Variants in STK31 observed in about 807,000 individuals in gnomAD.
STK31 encodes the protein serine/threonine kinase 31.
STK31 carries 89 observed loss-of-function variants against 129.7 expected under a neutral mutation model. The observed-to-expected ratio is 0.69, with a 90% confidence interval of 0.58 to 0.82. STK31 has a LOEUF of 0.82. Among genes scored for constraint, STK31 ranks in the 40% least tolerant of loss-of-function variants. The probability of loss-of-function intolerance (pLI) is 0.00; values close to 1 mark genes in which losing one functional copy is unlikely to be tolerated. For missense variants in STK31, 1,187 were observed against 1,176.4 expected, an observed-to-expected ratio of 1.01 and a Z score of -0.13; for synonymous variants, 448 against 395.3, an observed-to-expected ratio of 1.13 and a Z score of -1.58.
At chr7:23,809,827 C>T (rs1241938054) in intron 22 of STK31, among the ~76,000 whole-genome samples, 6 of 61,140 alleles carry the variant, frequency 9.8e-5, no homozygotes, top group African/African-American at 2.4e-4. Flanking sequence ...AACCTTGGAG[C>T]GGTAGGCTAC....
chr7:23,785,407 T>G, intron 17 of STK31, 71 bp from the exon 18 acceptor site: 1 of 1,574,072 alleles, frequency 6.4e-7, no homozygotes, highest in South Asian at 1.1e-5. Flanking sequence ...ATCGTGTAAC[T>G]AATTATTTTG....
chr7:23,792,313 T>C (rs1791668054), intron 22 of STK31, among the ~76,000 whole-genome samples: 1 of 152,148 alleles, frequency 6.6e-6, no homozygotes, highest in African/African-American at 2.4e-5. Context: ...TATAATTGTG[T>C]TTTTATATAA....
chr7:23,818,310 C>G (rs1453575340), intron 23 of STK31, among the ~76,000 whole-genome samples: 1 of 152,048 alleles, frequency 6.6e-6, no homozygotes, highest in Non-Finnish European at 1.5e-5. Flanking sequence ...TCATAGTTCT[C>G]TTTTCCCCAG....
At chr7:23,792,216 A>T (rs568614976) in intron 22 of STK31, among the ~76,000 whole-genome samples, 1 of 152,354 alleles carries the variant, frequency 6.6e-6, no homozygotes, top group South Asian at 2.1e-4. Context: ...TGCAGATGAC[A>T]TGCTTAATTA....
chr7:23,711,442 A>C (rs1185982637), intron 1 of STK31, among the ~76,000 whole-genome samples: 2 of 149,024 alleles, frequency 1.3e-5, no homozygotes, highest in East Asian at 1.9e-4. Context: ...AAAAAAAAAA[A>C]CCCATAAAAA....
intron 22 of STK31, among the ~76,000 whole-genome samples, chr7:23,813,319 T>C (rs6970042): frequency 0.099 from 15,105 of 152,186 alleles, 1,075 homozygotes; most frequent in African/African-American, 0.2. Flanking sequence ...TATAATTGTT[T>C]GTTGAAGCAT....
At chr7:23,798,902 A>C (rs1021947527) in intron 22 of STK31, among the ~76,000 whole-genome samples, 1 of 152,218 alleles carries the variant, frequency 6.6e-6, no homozygotes, top group African/African-American at 2.4e-5. Context: ...GCAAAGTCTC[A>C]GGATACAAAA....
At chr7:23,719,069 T>C (rs1048599311) in intron 4 of STK31, among the ~76,000 whole-genome samples, 3 of 152,118 alleles carry the variant, frequency 2.0e-5, no homozygotes, top group Non-Finnish European at 4.4e-5. Context: ...AGGGGTCTTG[T>C]GAAGTACCTA....
At chr7:23,776,862 A>G (rs769863845) in intron 15 of STK31, among the ~76,000 whole-genome samples, 1 of 151,934 alleles carries the variant, frequency 6.6e-6, no homozygotes, top group Admixed American at 6.6e-5. Context: ...GTCTTCTACT[A>G]GCTTTTGAAT....
chr7:23,797,887 A>G (rs879450945), intron 22 of STK31, among the ~76,000 whole-genome samples: 8 of 152,318 alleles, frequency 5.3e-5, no homozygotes, highest in African/African-American at 9.6e-5. Flanking sequence ...AGAAGAATCA[A>G]ATAGACACAA....
intron 15 of STK31, among the ~76,000 whole-genome samples, chr7:23,779,090 A>G (rs771819175): frequency 6.6e-6 from 1 of 152,134 alleles, no homozygotes; most frequent in African/African-American, 2.4e-5. Context: ...TCTAACAGTC[A>G]GTCCCCTCTG....
chr7:23,810,126 A>T (rs1792994624), intron 22 of STK31, among the ~76,000 whole-genome samples: 1 of 152,062 alleles, frequency 6.6e-6, no homozygotes, highest in South Asian at 2.1e-4. Flanking sequence ...CTCTTAGTAG[A>T]TTGATACTTT....
intron 23 of STK31, among the ~76,000 whole-genome samples, chr7:23,819,575 C>T (rs561441314): frequency 3.0e-4 from 45 of 152,238 alleles, no homozygotes; most frequent in Non-Finnish European, 5.9e-4. Context: ...CCACCATGCC[C>T]AGCTAATTTT....
At chr7:23,765,458 G>A (rs190190852) in intron 11 of STK31, among the ~76,000 whole-genome samples, 1 of 151,300 alleles carries the variant, frequency 6.6e-6, no homozygotes, top group Admixed American at 6.6e-5. Context: ...CTTTTTTGTT[G>A]GTAACTTAAT....
At chr7:23,818,658 C>G (rs1793605687) in intron 23 of STK31, among the ~76,000 whole-genome samples, 1 of 148,856 alleles carries the variant, frequency 6.7e-6, no homozygotes, top group South Asian at 2.1e-4. Context: ...AAAATAAAGT[C>G]CGAAGTCCCA....
chr7:23,749,799 A>G (rs879525284), intron 8 of STK31, among the ~76,000 whole-genome samples: 13 of 152,020 alleles, frequency 8.6e-5, no homozygotes, highest in African/African-American at 1.9e-4. Context: ...TTGTGAGTCT[A>G]TGTCTCTGGC....
intron 22 of STK31, among the ~76,000 whole-genome samples, chr7:23,810,028 T>C (rs1191908914): frequency 6.6e-6 from 1 of 152,210 alleles, no homozygotes; most frequent in Non-Finnish European, 1.5e-5. Flanking sequence ...CTGGCTATAA[T>C]TGTAGACTTG....
intron 3 of STK31, among the ~76,000 whole-genome samples, chr7:23,715,943 G>A (rs1786288380): frequency 6.6e-6 from 1 of 152,256 alleles, no homozygotes. Flanking sequence ...ATGTGGCTCT[G>A]TATACTCTTC....
chr7:23,729,012 A>C, intron 5 of STK31, 79 bp from the exon 6 acceptor site: 2 of 1,346,490 alleles, frequency 1.5e-6, no homozygotes, highest in Non-Finnish European at 9.9e-7. Flanking sequence ...GGTCATTAAC[A>C]GAGAGCAGCA....
Sources: gnomAD v4.1 joint callset for allele counts (sites outside exome capture counted in the v4.1 genomes callset) on GRCh38, gnomAD v4.1.1 for gene constraint, MANE v1.5 for transcripts, NCBI Gene and HGNC (gene_info 2026-07-23, HGNC 2026-07-21) for gene names.